Variants in EPHA5 observed in about 807,000 individuals in gnomAD.
EPHA5 encodes EPH receptor A5, also known as ephrin type-A receptor 5.
A neutral mutation model predicts 105.0 loss-of-function variants in EPHA5; 60 were observed. That is an observed-to-expected ratio of 0.57 (90% CI 0.46 to 0.71). The LOEUF (loss-of-function observed/expected upper bound fraction) is 0.71. EPHA5 is among the 30% of genes least tolerant of loss of function. EPHA5 has a pLI of 0.00. For missense variants in EPHA5, 1,218 were observed against 1,274.7 expected, an observed-to-expected ratio of 0.96 and a Z score of 0.68; for synonymous variants, 513 against 449.1, an observed-to-expected ratio of 1.14 and a Z score of -1.80.
At chr4:65,573,066 T>C (rs895295162) in intron 3 of EPHA5, among the ~76,000 whole-genome samples, 11 of 151,524 alleles carry the variant, frequency 7.3e-5, no homozygotes, top group African/African-American at 2.2e-4. Context: ...ATAATAGTTA[T>C]CACGATAATT....
At chr4:65,366,221 A>C (rs1417495181) in intron 9 of EPHA5, among the ~76,000 whole-genome samples, 164 bp from the exon 10 acceptor site, 7 of 151,804 alleles carry the variant, frequency 4.6e-5, no homozygotes, top group Non-Finnish European at 8.8e-5. Context: ...CAACTATATC[A>C]GTTTTATAAT....
intron 8 of EPHA5, among the ~76,000 whole-genome samples, chr4:65,369,129 G>C (rs1464201090): frequency 1.3e-5 from 2 of 152,038 alleles, no homozygotes; most frequent in Non-Finnish European, 2.9e-5. Flanking sequence ...GCAGTGACCT[G>C]GCACCTGACT....
At chr4:65,446,727 G>A (rs1256309516) in intron 5 of EPHA5, among the ~76,000 whole-genome samples, 1 of 152,182 alleles carries the variant, frequency 6.6e-6, no homozygotes, top group Admixed American at 6.6e-5. Context: ...TTATATGTGT[G>A]TATGTGTTGT....
intron 2 of EPHA5, among the ~76,000 whole-genome samples, chr4:65,609,377 C>T (rs1280701596): frequency 2.6e-5 from 4 of 152,024 alleles, no homozygotes; most frequent in Admixed American, 1.3e-4. Flanking sequence ...AGCAGTATTG[C>T]TAGAAATGAC....
intron 14 of EPHA5, among the ~76,000 whole-genome samples, chr4:65,339,735 A>G (rs1721526317): frequency 6.6e-6 from 1 of 152,170 alleles, no homozygotes; most frequent in Non-Finnish European, 1.5e-5. Flanking sequence ...TCAGGGCACA[A>G]GGTGGGAAAC....
At chr4:65,471,026 G>T (rs1274898976) in intron 5 of EPHA5, among the ~76,000 whole-genome samples, 1 of 152,176 alleles carries the variant, frequency 6.6e-6, no homozygotes, top group African/African-American at 2.4e-5. Flanking sequence ...AGCTGTTTCT[G>T]TACCTCATGT....
intron 2 of EPHA5, among the ~76,000 whole-genome samples, chr4:65,617,697 G>GA (rs1231100126): frequency 1.3e-5 from 2 of 152,090 alleles, no homozygotes; most frequent in African/African-American, 2.4e-5. Flanking sequence ...AAGAAAGAAG[G>GA]AAAGTTAAAC....
rs142880919 is a variant in EPHA5, at chr4:65,365,298, A to AAAAC, written c.1988-100_1988-97dup. 3.1e-3 allele frequency: 2,994 copies of AAAAC among 960,308 alleles called. 11 individuals are homozygous for AAAAC. The highest frequency in any genetic ancestry group is 9.2e-3 in the East Asian group (366 of 39,788). The allele number at this position is 960,308 out of a possible 1,614,324, so 59.5% of individuals were successfully genotyped here. A position where few individuals can be genotyped will look rare whatever the true frequency, so the allele number is the denominator to read the frequency against. On this transcript the variant is annotated intron_variant, in intron 10 of 16. Transcript: ENST00000613740. The stretch of plus-strand genomic sequence containing the variant: ...CTTAGACTACTAAGGCTTAGATGAA[A>AAAAC]AAACAAACAAACAAACAAACAAACA...
At chr4:65,502,571 T>C (rs1444197782) in intron 3 of EPHA5, among the ~76,000 whole-genome samples, 2 of 151,874 alleles carry the variant, frequency 1.3e-5, no homozygotes, top group African/African-American at 4.8e-5. Context: ...ATAGTCACTA[T>C]GGTCATTATT....
chr4:65,665,159 C>T (rs1396254316), intron 1 of EPHA5, among the ~76,000 whole-genome samples: 1 of 151,814 alleles, frequency 6.6e-6, no homozygotes, highest in Non-Finnish European at 1.5e-5. Flanking sequence ...AAAAGGATAA[C>T]AGCTATAGTT....
chr4:65,333,528 AGAGTGTGTGTCTGTGTGTGTGT>A (rs1560419957), intron 15 of EPHA5, among the ~76,000 whole-genome samples: 5 of 96,098 alleles, frequency 5.2e-5, no homozygotes, highest in African/African-American at 2.1e-4. Flanking sequence ...TGTGCGTGTG[AGAGTGTGTGTCTGTGTGTGTGT>A]GTGTGTGTGT....
intron 1 of EPHA5, 114 bp from the exon 2 acceptor site, chr4:65,643,541 T>A (rs1213997454): frequency 1.3e-6 from 1 of 774,342 alleles, no homozygotes; most frequent in Non-Finnish European, 2.2e-6. Context: ...AAATTAAGTG[T>A]TCATTATGAT....
intron 8 of EPHA5, among the ~76,000 whole-genome samples, chr4:65,400,722 C>T (rs1485772937): frequency 6.6e-6 from 1 of 152,028 alleles, no homozygotes. Context: ...ATCAGTTTCA[C>T]AATACCCAGT....
intron 3 of EPHA5, among the ~76,000 whole-genome samples, chr4:65,563,075 C>T (rs1278000546): frequency 6.6e-6 from 1 of 151,936 alleles, no homozygotes; most frequent in African/African-American, 2.4e-5. Context: ...AATATACTTT[C>T]AAGTAGATCA....
chr4:65,440,130 T>A (rs2149083668), intron 5 of EPHA5, among the ~76,000 whole-genome samples: 1 of 152,174 alleles, frequency 6.6e-6, no homozygotes, highest in Non-Finnish European at 1.5e-5. Flanking sequence ...TAGACTTGTT[T>A]GCCTTTTAAT....
chr4:65,367,812 G>A (rs1718067831), intron 8 of EPHA5, among the ~76,000 whole-genome samples: 1 of 151,752 alleles, frequency 6.6e-6, no homozygotes, highest in Non-Finnish European at 1.5e-5. Context: ...TGATCTAATA[G>A]TTTCTTGCCT....
chr4:65,592,989 AG>A (rs976732154), intron 3 of EPHA5, among the ~76,000 whole-genome samples: 28 of 152,206 alleles, frequency 1.8e-4, no homozygotes, highest in Non-Finnish European at 1.2e-4. Flanking sequence ...GCATCCCAAA[AG>A]GGGGCAAAAT....
At chr4:65,396,091 C>T (rs1475737674) in intron 8 of EPHA5, among the ~76,000 whole-genome samples, 2 of 152,198 alleles carry the variant, frequency 1.3e-5, no homozygotes, top group African/African-American at 2.4e-5. Context: ...ACTCCCTGCC[C>T]CTGTAGGCTC....
intron 3 of EPHA5, among the ~76,000 whole-genome samples, chr4:65,509,665 T>C (rs187839173): frequency 3.0e-4 from 45 of 152,258 alleles, no homozygotes; most frequent in African/African-American, 1.0e-3. Flanking sequence ...ATCAGAACAT[T>C]CACACTTTTG....
Sources: allele counts gnomAD v4.1 joint callset (sites outside exome capture counted in the v4.1 genomes callset), GRCh38; gene constraint gnomAD v4.1.1; transcripts MANE v1.5; gene names NCBI Gene and HGNC (gene_info 2026-07-23, HGNC 2026-07-21).